FRG1: variants seen among roughly 807,000 people sequenced by gnomAD.
FRG1 encodes protein FRG1.
A neutral mutation model predicts 37.0 loss-of-function variants in FRG1; 19 were observed. The observed-to-expected ratio is 0.51, with a 90% CI of 0.36 to 0.75. FRG1 has a LOEUF of 0.75. Among genes scored for constraint, FRG1 ranks in the 30% least tolerant of loss-of-function variants. FRG1 has a pLI of 0.00. For missense variants in FRG1, 243 were observed against 301.4 expected (o/e 0.81, Z 1.44); for synonymous variants, 73 against 96.5 (o/e 0.76, Z 1.43).
At chr4:189,962,308 C>G (rs1561080601) in intron 8 of FRG1, among the ~76,000 whole-genome samples, 3 of 152,072 alleles carry the variant, frequency 2.0e-5, no homozygotes, top group African/African-American at 7.2e-5. Context: ...AACTAAAAAA[C>G]TAAGTATAAA....
chr4:189,961,772 T>C (rs776918341), intron 7 of FRG1, 50 bp from the exon 8 acceptor site: 4 of 759,638 alleles, frequency 5.3e-6, no homozygotes, highest in East Asian at 5.2e-5. Flanking sequence ...ATAGTAAATA[T>C]GTATAATCAG....
At chr4:189,955,215 A>G in intron 5 of FRG1, 64 bp downstream of exon 5, 3 of 922,758 alleles carry the variant, frequency 3.3e-6, no homozygotes, top group South Asian at 1.4e-5. Context: ...TTAACAGTCA[A>G]TCATAATATA....
intron 2 of FRG1, among the ~76,000 whole-genome samples, chr4:189,947,009 C>T (rs1487693875): frequency 3.9e-5 from 6 of 152,200 alleles, no homozygotes; most frequent in Non-Finnish European, 7.3e-5. Context: ...CCTGCCACCA[C>T]ACCCGGCTAA....
intron 2 of FRG1, among the ~76,000 whole-genome samples, chr4:189,950,370 TG>T (rs1736703988): frequency 1.3e-5 from 2 of 152,206 alleles, no homozygotes; most frequent in African/African-American, 4.8e-5. Context: ...TTTTTAATTC[TG>T]ATGAAGTCCA....
intron 8 of FRG1, 71 bp from the exon 9 acceptor site, chr4:189,963,022 A>G (rs755297475): frequency 1.0e-6 from 1 of 995,302 alleles, no homozygotes; most frequent in Non-Finnish European, 1.5e-6. Context: ...AAAGCTTTTT[A>G]TATTTAGTAG....
intron 6 of FRG1, among the ~76,000 whole-genome samples, chr4:189,957,841 A>G (rs1737051047): frequency 6.6e-6 from 1 of 152,124 alleles, no homozygotes; most frequent in African/African-American, 2.4e-5. Context: ...GATAACATGT[A>G]CACGTGGTCC....
intron 5 of FRG1, among the ~76,000 whole-genome samples, chr4:189,956,194 C>T (rs1318403160): frequency 1.3e-5 from 2 of 152,140 alleles, no homozygotes; most frequent in African/African-American, 4.8e-5. Context: ...TTACCCCTTC[C>T]TCTGTGAGTC....
chr4:189,947,872 CCT>C (rs1467573635), intron 2 of FRG1, among the ~76,000 whole-genome samples: 1 of 152,234 alleles, frequency 6.6e-6, no homozygotes, highest in Non-Finnish European at 1.5e-5. Context: ...GAGGTCTCTA[CCT>C]CTCTCCGTGT....
intron 4 of FRG1, among the ~76,000 whole-genome samples, chr4:189,954,475 C>G (rs1400944190): frequency 6.6e-6 from 1 of 151,054 alleles, no homozygotes; most frequent in African/African-American, 2.4e-5. Context: ...TGATGAATTT[C>G]AAAAATATTT....
At chr4:189,962,069 C>G (rs1195800695) in intron 8 of FRG1, 137 bp downstream of exon 8, 2 of 622,282 alleles carry the variant, frequency 3.2e-6, no homozygotes, top group Non-Finnish European at 5.7e-6. Flanking sequence ...GGCAATATTA[C>G]CTAAAGAGGA....
chr4:189,962,534 C>T (rs909064797), intron 8 of FRG1, among the ~76,000 whole-genome samples: 3 of 151,986 alleles, frequency 2.0e-5, no homozygotes, highest in Non-Finnish European at 2.9e-5. Flanking sequence ...TCATTCAAGT[C>T]GTATGTTGCA....
At chr4:189,959,032 C>T (rs1489907470) in intron 6 of FRG1, among the ~76,000 whole-genome samples, 1 of 152,186 alleles carries the variant, frequency 6.6e-6, no homozygotes, top group Non-Finnish European at 1.5e-5. Flanking sequence ...GGGCAAGTGC[C>T]TTTTCTAAAA....
chr4:189,954,985 A>T lies in FRG1; in HGVS notation c.318-52A>T, dbSNP rs1398057817. 4 of 1,112,880 alleles carry T rather than the reference A, an allele frequency of 3.6e-6. No homozygotes were observed. The East Asian group carries it at 9.8e-5, about 27-fold the overall frequency. The allele number at this position is 1,112,880 out of a possible 1,614,324, so 68.9% of individuals were successfully genotyped here. A position where few individuals can be genotyped will look rare whatever the true frequency, so the allele number is the denominator to read the frequency against. ...TACGCATGTCCTGTTTTGATGTCCT[A>T]TAATTAATTTTCTCTCAGTCTTTAA... On this transcript the variant is annotated intron_variant, in intron 4 of 8. Coordinates refer to ENST00000226798, the MANE Select transcript of FRG1 (RefSeq NM_004477.3).
rs1198767756 is a variant in FRG1, at chr4:189,961,819, C to T, written c.630-3C>T. 5 of 1,305,618 alleles carry T rather than the reference C, an allele frequency of 3.8e-6. No individual in the cohort carries two copies. The highest frequency in any genetic ancestry group is 1.8e-4 in the Middle Eastern group (1 of 5,452). 80.9% of individuals were successfully genotyped at this position (1,305,618 alleles called of 1,614,324 possible). On this transcript the variant is annotated splice_polypyrimidine_tract_variant and splice_region_variant and intron_variant, in intron 7 of 8. Transcript: ENST00000226798. ...TTTTTCAATGAAGACATTTTCTTTA[C>T]AGAAAGAAATTTCAGAGCTTCCAAG...
chr4:189,944,687 T>C (rs1736453345), intron 2 of FRG1, among the ~76,000 whole-genome samples: 1 of 152,124 alleles, frequency 6.6e-6, no homozygotes, highest in African/African-American at 2.4e-5. Flanking sequence ...TAATCCACTT[T>C]GGTATCTTCA....
chr4:189,954,582 A>G (rs1736898153), intron 4 of FRG1, among the ~76,000 whole-genome samples: 1 of 149,336 alleles, frequency 6.7e-6, no homozygotes, highest in East Asian at 2.0e-4. Flanking sequence ...AACTAGTCAC[A>G]TGTAGCTTTT....
At position 189,961,840 on chromosome 4, in the gene FRG1, C is replaced by T. The variant is rs560717739; in HGVS notation, c.648C>T (p.Phe216=). 1.3e-5 allele frequency: 20 copies of T among 1,557,724 alleles called. No homozygotes were observed. The Admixed American group carries it at 2.7e-4, about 21-fold the overall frequency. Residue 216 remains phenylalanine, a synonymous_variant, in exon 8 of 9, where the codon TTC becomes TTT. Coordinates refer to ENST00000226798, the MANE Select transcript of FRG1 (RefSeq NM_004477.3). ...TTTACAGAAAGAAATTTCAGAGCTT[C>T]CAAGACCACAAACTTAAAATAAGTA... ...EINYVKKFQS[F]QDHKLKISKE... is the part of the protein sequence containing the mutation.
intron 2 of FRG1, among the ~76,000 whole-genome samples, chr4:189,944,950 T>C (rs576663993): frequency 1.6e-4 from 25 of 152,200 alleles, no homozygotes; most frequent in Non-Finnish European, 3.2e-4. Context: ...CATCTTAATA[T>C]TGGGCCTCAA....
chr4:189,942,478 C>G (rs923719345), intron 1 of FRG1, among the ~76,000 whole-genome samples: 4 of 152,154 alleles, frequency 2.6e-5, no homozygotes, highest in African/African-American at 7.2e-5. Context: ...AACATGTGGC[C>G]TTTTGTATCT....
Sources: allele counts gnomAD v4.1 joint callset (sites outside exome capture counted in the v4.1 genomes callset), GRCh38; gene constraint gnomAD v4.1.1; transcripts MANE v1.5; gene names NCBI Gene and HGNC (gene_info 2026-07-23, HGNC 2026-07-21).